SPOCK3: variants seen among roughly 807,000 people sequenced by gnomAD.
SPOCK3 encodes the protein SPARC (osteonectin), cwcv and kazal like domains proteoglycan 3, also known as testican-3.
SPOCK3 carries 30 observed loss-of-function variants against 56.6 expected under a neutral mutation model. The observed-to-expected ratio is 0.53, with a 90% confidence interval of 0.40 to 0.72. The LOEUF (loss-of-function observed/expected upper bound fraction) is 0.72. SPOCK3 is among the 30% of genes least tolerant of loss of function. The pLI, the probability that SPOCK3 is intolerant of heterozygous loss-of-function variation, is 0.00. For synonymous variants in SPOCK3, 196 were observed against 183.3 expected (o/e 1.07, Z -0.56); for missense variants, 527 against 530.0 (o/e 0.99, Z 0.06).
chr4:166,999,624 G>C (rs1459674808), intron 4 of SPOCK3, among the ~76,000 whole-genome samples: 2 of 152,090 alleles, frequency 1.3e-5, no homozygotes, highest in Admixed American at 1.3e-4. Context: ...CTTTAAAAAT[G>C]ATAAAGGAAA....
chr4:167,070,032 G>T (rs1181163679), intron 2 of SPOCK3, among the ~76,000 whole-genome samples: 1 of 151,828 alleles, frequency 6.6e-6, no homozygotes, highest in African/African-American at 2.4e-5. Context: ...TTTCTATTAA[G>T]TCTCGCTTGA....
chr4:166,824,715 T>G (rs985992780), intron 6 of SPOCK3, among the ~76,000 whole-genome samples: 1 of 152,072 alleles, frequency 6.6e-6, no homozygotes, highest in South Asian at 2.1e-4. Flanking sequence ...GATACAAGAA[T>G]AGAAAAATAG....
At chr4:167,222,799 TG>T in intron 2 of SPOCK3, among the ~76,000 whole-genome samples, 1 of 119,504 alleles carries the variant, frequency 8.4e-6, no homozygotes, top group African/African-American at 3.6e-5. Flanking sequence ...AGATATATAT[TG>T]ATATATGAAT....
chr4:166,885,291 TCAAA>T (rs937430126), intron 6 of SPOCK3, among the ~76,000 whole-genome samples: 3 of 150,818 alleles, frequency 2.0e-5, no homozygotes, highest in Non-Finnish European at 2.9e-5. Flanking sequence ...CACCCCAACT[TCAAA>T]CAAACAAACA....
At chr4:166,913,518 C>A (rs1737503558) in intron 4 of SPOCK3, among the ~76,000 whole-genome samples, 1 of 152,112 alleles carries the variant, frequency 6.6e-6, no homozygotes. Flanking sequence ...TGTAGTAAAT[C>A]AATATTCATT....
At chr4:167,108,710 T>C (rs1288719113) in intron 2 of SPOCK3, among the ~76,000 whole-genome samples, 1 of 151,080 alleles carries the variant, frequency 6.6e-6, no homozygotes, top group Non-Finnish European at 1.5e-5. Flanking sequence ...GTAAAAACAG[T>C]AGTTAGAAAG....
intron 6 of SPOCK3, among the ~76,000 whole-genome samples, chr4:166,874,426 T>C (rs1732868211): frequency 1.3e-5 from 2 of 152,114 alleles, no homozygotes; most frequent in South Asian, 2.1e-4. Flanking sequence ...CCTTGAAAAA[T>C]ATAGGTCTTT....
intron 2 of SPOCK3, among the ~76,000 whole-genome samples, chr4:167,186,710 C>CT (rs1466608297): frequency 6.6e-6 from 1 of 151,886 alleles, no homozygotes; most frequent in Non-Finnish European, 1.5e-5. Flanking sequence ...GGTGCAGTGG[C>CT]TCATGCCTGT....
At chr4:166,790,391 C>G (rs1741213427) in intron 7 of SPOCK3, among the ~76,000 whole-genome samples, 1 of 152,180 alleles carries the variant, frequency 6.6e-6, no homozygotes, top group Non-Finnish European at 1.5e-5. Flanking sequence ...GTGCACAGAT[C>G]TGAGGAGCTG....
chr4:166,908,128 G>T (rs1345762913), intron 5 of SPOCK3, among the ~76,000 whole-genome samples: 1 of 151,858 alleles, frequency 6.6e-6, no homozygotes, highest in African/African-American at 2.4e-5. Context: ...ACTATTAAGA[G>T]AAAGTAAGAA....
At chr4:167,024,763 G>C (rs7671612) in intron 3 of SPOCK3, among the ~76,000 whole-genome samples, 76,226 of 151,698 alleles carry the variant, frequency 0.5, 21,647 homozygotes, top group East Asian at 0.84. Flanking sequence ...CTGCTCGGGT[G>C]GTGGGTCACC....
chr4:166,980,334 A>G (rs1367351164), intron 4 of SPOCK3, among the ~76,000 whole-genome samples: 2 of 152,264 alleles, frequency 1.3e-5, no homozygotes, highest in Non-Finnish European at 2.9e-5. Context: ...ATACAATAAT[A>G]TCTTCTTTAA....
intron 3 of SPOCK3, among the ~76,000 whole-genome samples, chr4:167,049,631 AGATATTAAGT>A (rs1159427875): frequency 6.6e-6 from 1 of 152,218 alleles, no homozygotes; most frequent in Non-Finnish European, 1.5e-5. Flanking sequence ...TCTAAAATCT[AGATATTAAGT>A]GATATATTAT....
intron 2 of SPOCK3, among the ~76,000 whole-genome samples, chr4:167,172,256 A>G (rs1256787270): frequency 2.6e-5 from 4 of 152,180 alleles, no homozygotes; most frequent in African/African-American, 9.7e-5. Flanking sequence ...TTCATAATCA[A>G]AATTTCTTCA....
At chr4:166,848,710 A>T (rs912713031) in intron 6 of SPOCK3, among the ~76,000 whole-genome samples, 5 of 152,184 alleles carry the variant, frequency 3.3e-5, no homozygotes, top group Non-Finnish European at 7.4e-5. Flanking sequence ...GCGCTTGTGC[A>T]GGTGATCACT....
At chr4:166,770,669 A>T (rs1411951457) in intron 7 of SPOCK3, among the ~76,000 whole-genome samples, 1 of 152,208 alleles carries the variant, frequency 6.6e-6, no homozygotes, top group East Asian at 1.9e-4. Flanking sequence ...TTTAAACACA[A>T]CCGTATTGAC....
chr4:167,005,283 C>A (rs920500452), intron 3 of SPOCK3, among the ~76,000 whole-genome samples: 1 of 151,928 alleles, frequency 6.6e-6, no homozygotes, highest in Non-Finnish European at 1.5e-5. Context: ...GATCTCAGCT[C>A]ACTGCAAGCT....
At chr4:167,005,972 C>T (rs1275795806) in intron 3 of SPOCK3, among the ~76,000 whole-genome samples, 1 of 152,028 alleles carries the variant, frequency 6.6e-6, no homozygotes, top group Non-Finnish European at 1.5e-5. Flanking sequence ...TTATATGATA[C>T]ACAAATCATA....
At chr4:167,104,291 G>C (rs1759908849) in intron 2 of SPOCK3, among the ~76,000 whole-genome samples, 1 of 152,150 alleles carries the variant, frequency 6.6e-6, no homozygotes, top group Non-Finnish European at 1.5e-5. Context: ...ATTTCTGACA[G>C]AGAAATCAAA....
Sources: gnomAD v4.1 joint callset for allele counts (sites outside exome capture counted in the v4.1 genomes callset) on GRCh38, gnomAD v4.1.1 for gene constraint, MANE v1.5 for transcripts, NCBI Gene and HGNC (gene_info 2026-07-23, HGNC 2026-07-21) for gene names.